Variants in ROCK1 observed in about 807,000 individuals in gnomAD.
The protein encoded by ROCK1 is Rho associated coiled-coil containing protein kinase 1.
A neutral mutation model predicts 196.8 loss-of-function variants in ROCK1; 36 were observed. The observed-to-expected ratio is 0.18, with a 90% confidence interval of 0.14 to 0.24. The LOEUF is 0.24. ROCK1 is among the 10% of genes least tolerant of loss of function. The pLI is 1.00. For synonymous variants in ROCK1, 443 were observed against 515.9 expected (o/e 0.86, Z 1.91); for missense variants, 920 against 1,562.0 (o/e 0.59, Z 6.93).
At chr18:21,015,852 C>T (rs368602553) in intron 12 of ROCK1, among the ~76,000 whole-genome samples, 20 of 150,802 alleles carry the variant, frequency 1.3e-4, no homozygotes, top group Admixed American at 5.3e-4. Flanking sequence ...TGGTGGCGGG[C>T]GCCTGTAATC....
chr18:21,020,307 CTA>C, intron 11 of ROCK1, 68 bp from the exon 12 acceptor site: 2 of 776,160 alleles, frequency 2.6e-6, no homozygotes, highest in East Asian at 3.0e-5. Context: ...AATATCAAGT[CTA>C]TGTTAATATT....
In ROCK1 at chr18:21,006,746, G is replaced by C. The variant is rs747572711; in HGVS notation, c.1591C>G (p.Gln531Glu). The part of the protein sequence containing the change: ...DQLEDLKKVS[Q>E]NSQLANEKLS... ...TTCTCATTAGCAAGCTGTGAATTCT[G>C]ACTGACTTTCTTTAAGTCTTCCAAC... Residue 531 changes from glutamine to glutamate, a missense_variant, in exon 15 of 33, where the codon CAG becomes GAG. Around this residue, in one of 6 missense-constraint regions of ROCK1, gnomAD observed 520 missense variants for 657.1 expected, o/e 0.79. Coordinates refer to ENST00000399799, the MANE Select transcript of ROCK1 (RefSeq NM_005406.3). 6 of 1,606,396 alleles carry C rather than the reference G, an allele frequency of 3.7e-6. No homozygotes were observed. Among genetic ancestry groups the C allele is most frequent in the Non-Finnish European group, 5.1e-6 (6 of 1,177,790 alleles).
intron 10 of ROCK1, among the ~76,000 whole-genome samples, chr18:21,024,306 T>C (rs978986817): frequency 6.7e-6 from 1 of 149,462 alleles, no homozygotes; most frequent in African/African-American, 2.6e-5. Context: ...GAATTGTATA[T>C]AAATAAAGCT....
chr18:20,969,639 C>T lies in ROCK1; in HGVS notation c.2821-431G>A, dbSNP rs1297918973. On this transcript the variant is annotated intron_variant, in intron 23 of 32. Transcript: ENST00000399799. Reference sequence around the variant, plus strand: ...TACTTTTAGTAATATATAATCATTACTTGTTATATGTTATATTAATCATTC... The same window carrying T: ...TACTTTTAGTAATATATAATCATTATTTGTTATATGTTATATTAATCATTC... Among the ~76,000 whole-genome samples, 3 of 152,026 alleles carry T rather than the reference C, an allele frequency of 2.0e-5. No homozygotes were observed. In the East Asian group the frequency reaches 5.8e-4, roughly 29 times the overall value.
At chr18:21,004,144 ACATCAGGGCTGCAGCCTGTTT>A (rs2035749341) in intron 16 of ROCK1, among the ~76,000 whole-genome samples, 1 of 152,194 alleles carries the variant, frequency 6.6e-6, no homozygotes, top group Non-Finnish European at 1.5e-5. Flanking sequence ...GTACTGGCAA[ACATCAGGGCTGCAGCCTGTTT>A]CTGTACAGAT....
intron 22 of ROCK1, among the ~76,000 whole-genome samples, chr18:20,972,164 G>A (rs1044442782): frequency 2.6e-5 from 4 of 152,086 alleles, no homozygotes; most frequent in African/African-American, 7.2e-5. Flanking sequence ...AGTGATTAGA[G>A]TCTATACATA....
At chr18:21,005,007 G>A (rs1182984607) in intron 16 of ROCK1, among the ~76,000 whole-genome samples, 1 of 152,146 alleles carries the variant, frequency 6.6e-6, no homozygotes, top group Non-Finnish European at 1.5e-5. Flanking sequence ...CAAGGGACCT[G>A]AAACTATGTT....
intron 1 of ROCK1, among the ~76,000 whole-genome samples, chr18:21,076,546 T>TTGTG (rs1240828525): frequency 6.6e-6 from 1 of 152,032 alleles, no homozygotes; most frequent in Non-Finnish European, 1.5e-5. Context: ...TATGATACGT[T>TTGTG]TGTGTGTGTG....
chr18:21,036,092 C>A (rs1239512018), intron 9 of ROCK1, among the ~76,000 whole-genome samples: 1 of 152,168 alleles, frequency 6.6e-6, no homozygotes, highest in Non-Finnish European at 1.5e-5. Flanking sequence ...AAAGAGATAA[C>A]TTATTTTTTA....
chr18:20,962,041 G>A (rs1349518314), intron 27 of ROCK1, among the ~76,000 whole-genome samples: 1 of 151,878 alleles, frequency 6.6e-6, no homozygotes, highest in East Asian at 1.9e-4. Context: ...TATATCCCAT[G>A]GCAAATGACA....
intron 2 of ROCK1, among the ~76,000 whole-genome samples, chr18:21,060,630 G>A (rs529312610): frequency 5.9e-5 from 9 of 152,118 alleles, no homozygotes; most frequent in South Asian, 2.1e-4. Context: ...ACCTGAGGTC[G>A]GGAATTTAAG....
At chr18:21,058,393 GT>G (rs2036261904) in intron 2 of ROCK1, among the ~76,000 whole-genome samples, 2 of 151,912 alleles carry the variant, frequency 1.3e-5, no homozygotes, top group Admixed American at 1.3e-4. Context: ...AATGTTCAAA[GT>G]TTTTTTAAAT....
chr18:21,067,884 T>C (rs748792545), intron 2 of ROCK1, among the ~76,000 whole-genome samples: 6 of 152,214 alleles, frequency 3.9e-5, no homozygotes, highest in African/African-American at 7.2e-5. Flanking sequence ...TTTCGGTTAA[T>C]TTTTGTACAT....
At chr18:21,083,660 A>C (rs938615315) in intron 1 of ROCK1, among the ~76,000 whole-genome samples, 6 of 152,162 alleles carry the variant, frequency 3.9e-5, no homozygotes, top group Admixed American at 3.9e-4. Context: ...ATGAACAGTA[A>C]ATATATTTTC....
At chr18:20,952,479 A>C (rs958825990) in intron 32 of ROCK1, among the ~76,000 whole-genome samples, 4 of 151,490 alleles carry the variant, frequency 2.6e-5, no homozygotes, top group African/African-American at 9.7e-5. Context: ...AAAAAAGTCC[A>C]TCAAAAATAG....
At chr18:21,019,781 G>C (rs919954100) in intron 12 of ROCK1, among the ~76,000 whole-genome samples, 35 of 148,582 alleles carry the variant, frequency 2.4e-4, no homozygotes, top group Middle Eastern at 7.2e-3. Flanking sequence ...CTGGACGACA[G>C]AGCGAGACTC....
intron 17 of ROCK1, among the ~76,000 whole-genome samples, chr18:20,991,836 C>T (rs1030958241): frequency 1.3e-5 from 2 of 152,018 alleles, no homozygotes; most frequent in Non-Finnish European, 2.9e-5. Context: ...TGGGGTCTCG[C>T]TCCACTGCCC....
At chr18:20,971,335 C>T (rs1201398963) in intron 22 of ROCK1, among the ~76,000 whole-genome samples, 46 of 94,732 alleles carry the variant, frequency 4.9e-4, no homozygotes, top group East Asian at 2.2e-3. Context: ...CACACACACA[C>T]ACACACACAT....
intron 26 of ROCK1, 35 bp downstream of exon 26, chr18:20,967,717 T>A (rs754227109): frequency 1.5e-5 from 22 of 1,432,416 alleles, no homozygotes; most frequent in Non-Finnish European, 2.0e-5. Context: ...AAATAATCCT[T>A]CACACTCATA....
Sources: gnomAD v4.1 joint callset for allele counts (sites outside exome capture counted in the v4.1 genomes callset) on GRCh38, gnomAD v4.1.1 for gene constraint, gnomAD v4.1.1 regional missense constraint, MANE v1.5 for transcripts, NCBI Gene and HGNC (gene_info 2026-07-23, HGNC 2026-07-21) for gene names.